NRG1: variants seen among roughly 807,000 people sequenced by gnomAD.
The protein encoded by NRG1 is neuregulin 1, also known as pro-neuregulin-1, membrane-bound isoform.
NRG1 carries 18 observed loss-of-function variants against 63.8 expected under a neutral mutation model. The observed-to-expected ratio is 0.28, with a 90% confidence interval of 0.19 to 0.42. The LOEUF (loss-of-function observed/expected upper bound fraction) is 0.42, where lower values mean the gene tolerates loss of function less well. NRG1 is among the 10% of genes least tolerant of loss of function. The pLI, the probability that NRG1 is intolerant of heterozygous loss-of-function variation, is 1.00. For synonymous variants in NRG1, 302 were observed against 301.3 expected (o/e 1.00, Z -0.02); for missense variants, 762 against 814.7 (o/e 0.94, Z 0.79).
chr8:31,929,558 G>T (rs923578414), intron 1 of NRG1, among the ~76,000 whole-genome samples: 4 of 151,744 alleles, frequency 2.6e-5, no homozygotes, highest in Non-Finnish European at 4.4e-5. Context: ...ATTTTGCAAT[G>T]GTGCATATGT....
chr8:32,184,968 C>G (rs1449280165), intron 1 of NRG1, among the ~76,000 whole-genome samples: 1 of 152,178 alleles, frequency 6.6e-6, no homozygotes, highest in African/African-American at 2.4e-5. Context: ...CTCAGAGAGA[C>G]TCTTCTTTCT....
intron 1 of NRG1, among the ~76,000 whole-genome samples, chr8:31,654,717 C>T (rs575698399): frequency 1.5e-4 from 23 of 152,274 alleles, no homozygotes; most frequent in African/African-American, 5.5e-4. Context: ...GCAGGAGAAT[C>T]GCCTGAGGCC....
chr8:32,460,111 C>T (rs1822135218), intron 1 of NRG1, among the ~76,000 whole-genome samples: 1 of 152,172 alleles, frequency 6.6e-6, no homozygotes, highest in Non-Finnish European at 1.5e-5. Flanking sequence ...TCTGTTTGTT[C>T]ACGGCAGTAA....
At chr8:31,684,336 G>T (rs1335900293) in intron 1 of NRG1, among the ~76,000 whole-genome samples, 7 of 152,158 alleles carry the variant, frequency 4.6e-5, no homozygotes, top group Non-Finnish European at 7.4e-5. Flanking sequence ...TTATGAAAAG[G>T]CTGGAAGGAA....
chr8:32,486,774 G>A (rs769537455), intron 1 of NRG1, among the ~76,000 whole-genome samples: 2 of 151,946 alleles, frequency 1.3e-5, no homozygotes, highest in Non-Finnish European at 2.9e-5. Context: ...ACAGGTGTGT[G>A]CTCCCATGCC....
chr8:32,544,476 TTTATTTA>T (rs1832869409), upstream of NRG1, among the ~76,000 whole-genome samples: 1 of 690 alleles, frequency 1.4e-3, no homozygotes, highest in Non-Finnish European at 3.2e-3. Flanking sequence ...TAGCTTATTA[TTTATTTA>T]TTTATTTATT....
At chr8:32,436,066 C>G (rs535956368) in intron 1 of NRG1, among the ~76,000 whole-genome samples, 1 of 152,202 alleles carries the variant, frequency 6.6e-6, no homozygotes, top group African/African-American at 2.4e-5. Flanking sequence ...ATACCTGAGA[C>G]TGGGTAATTT....
intron 5 of NRG1, among the ~76,000 whole-genome samples, chr8:32,639,116 T>A (rs891021748): frequency 1.3e-5 from 2 of 152,142 alleles, no homozygotes; most frequent in Non-Finnish European, 1.5e-5. Context: ...GGTTTAGAAA[T>A]GTGAACTGGC....
intron 1 of NRG1, among the ~76,000 whole-genome samples, chr8:32,302,993 C>T: frequency 6.6e-6 from 1 of 151,046 alleles, no homozygotes; most frequent in East Asian, 1.9e-4. Context: ...ACCAGCCTGG[C>T]CAACGTGGTA....
chr8:32,288,945 T>C (rs1350657636), intron 1 of NRG1, among the ~76,000 whole-genome samples: 1 of 152,196 alleles, frequency 6.6e-6, no homozygotes, highest in African/African-American at 2.4e-5. Context: ...TGATATTCAG[T>C]GATTATAACT....
intron 1 of NRG1, among the ~76,000 whole-genome samples, chr8:32,172,868 T>G (rs1291487917): frequency 1.3e-5 from 2 of 152,118 alleles, no homozygotes. Context: ...ATCTGATTGG[T>G]GTAACTGAAA....
At chr8:32,048,545 G>C (rs1310969300) in intron 1 of NRG1, among the ~76,000 whole-genome samples, 3 of 147,726 alleles carry the variant, frequency 2.0e-5, no homozygotes, top group Non-Finnish European at 4.5e-5. Flanking sequence ...AAACCTTCAC[G>C]CTGTTTTCCA....
At chr8:32,166,024 G>A (rs1839361568) in intron 1 of NRG1, among the ~76,000 whole-genome samples, 1 of 151,922 alleles carries the variant, frequency 6.6e-6, no homozygotes, top group Admixed American at 6.6e-5. Context: ...CTTTACCTTA[G>A]GTAAAGATTT....
At chr8:32,211,600 G>C (rs2069451464) in intron 1 of NRG1, among the ~76,000 whole-genome samples, 1 of 152,152 alleles carries the variant, frequency 6.6e-6, no homozygotes, top group South Asian at 2.1e-4. Flanking sequence ...AGTCTAATGG[G>C]TGAATTATGG....
chr8:32,108,982 C>T lies in NRG1; in HGVS notation c.37+469551C>T, dbSNP rs143700171. ...AATAAAAAACCAATGCAGCAAAAGA[C>T]AATAACGTCTGTTTAACCACACAGT... On this transcript the variant is annotated intron_variant, in intron 1 of 10. Coordinates refer to the NRG1 transcript ENST00000519301. Among the ~76,000 whole-genome samples, 401 of 152,258 alleles carry T rather than the reference C, an allele frequency of 2.6e-3. 2 individuals carry two copies. The highest frequency in any genetic ancestry group is 2.6e-3 in the Non-Finnish European group (175 of 68,008).
chr8:31,870,470 T>C (rs1193131907), intron 1 of NRG1, among the ~76,000 whole-genome samples: 1 of 152,134 alleles, frequency 6.6e-6, no homozygotes, highest in Non-Finnish European at 1.5e-5. Context: ...ACTTGAGGTA[T>C]GTTGGTCTTG....
intron 1 of NRG1, among the ~76,000 whole-genome samples, chr8:32,418,063 A>G (rs1816184322): frequency 6.6e-6 from 1 of 152,138 alleles, no homozygotes; most frequent in Non-Finnish European, 1.5e-5. Context: ...AGATCTATGC[A>G]TTGTCTTTGA....
chr8:32,052,066 A>C (rs531454970), intron 1 of NRG1, among the ~76,000 whole-genome samples: 3 of 152,012 alleles, frequency 2.0e-5, no homozygotes, highest in African/African-American at 4.8e-5. Context: ...AGAGAATGCA[A>C]ATGACTGAAA....
chr8:31,711,446 A>G (rs1347717768), intron 1 of NRG1, among the ~76,000 whole-genome samples: 1 of 152,148 alleles, frequency 6.6e-6, no homozygotes, highest in Non-Finnish European at 1.5e-5. Context: ...TCATGCTTAT[A>G]AGTAATTTAC....
Sources: allele counts gnomAD v4.1 joint callset (sites outside exome capture counted in the v4.1 genomes callset), GRCh38; gene constraint gnomAD v4.1.1; transcripts MANE v1.5; gene names NCBI Gene and HGNC (gene_info 2026-07-23, HGNC 2026-07-21).